Variants in DUSP22 observed in about 807,000 individuals in gnomAD.
DUSP22 encodes the protein dual specificity protein phosphatase 22.
Under a neutral mutation model 24.5 loss-of-function variants are expected in DUSP22, and 24 were observed. The ratio of observed to expected loss-of-function variants is 0.98; its 90% confidence interval spans 0.71 to 1.38. The LOEUF (loss-of-function observed/expected upper bound fraction) is 1.38. Ranked by LOEUF, DUSP22 falls within the 40% of genes most tolerant of loss-of-function variation. The pLI, the probability that DUSP22 is intolerant of heterozygous loss-of-function variation, is 0.00. For missense variants in DUSP22, 330 were observed against 269.2 expected, an observed-to-expected ratio of 1.23 and a Z score of -1.58; for synonymous variants, 160 against 106.4, an observed-to-expected ratio of 1.50 and a Z score of -3.10.
At chr6:343,745 T>C (rs1759726938) in intron 4 of DUSP22, among the ~76,000 whole-genome samples, 1 of 48,672 alleles carries the variant, frequency 2.1e-5, no homozygotes, top group African/African-American at 9.5e-5. Flanking sequence ...TCCCTGGCTG[T>C]CCTCATCTCA....
At chr6:308,679 G>T (rs555271810) in intron 2 of DUSP22, among the ~76,000 whole-genome samples, 3 of 152,426 alleles carry the variant, frequency 2.0e-5, no homozygotes, top group Admixed American at 6.5e-5. Flanking sequence ...TATTTACGGG[G>T]TGAAGAAAAT....
At position 301,243 on chromosome 6, in the gene DUSP22, C is replaced by T. The variant is rs369734111; in HGVS notation, c.22-3385C>T. 8.9e-4 allele frequency among the ~76,000 whole-genome samples: 136 copies of T among 152,224 alleles called. 1 individual carries two copies. The highest frequency in any genetic ancestry group is 2.9e-3 in the African/African-American group (122 of 41,514). ...TGGCCATTACAGGGTTTGTGGTTTT[C>T]GAGCATACCCAAGGGATAAAGGACC... On this transcript the variant is annotated intron_variant, in intron 1 of 6. Transcript: ENST00000419235.
chr6:297,733 C>G (rs1757405224), intron 1 of DUSP22, among the ~76,000 whole-genome samples: 1 of 152,304 alleles, frequency 6.6e-6, no homozygotes, highest in Admixed American at 6.5e-5. Flanking sequence ...TGATCTGGAA[C>G]TGGAGAGTTA....
At chr6:340,920 G>A (rs1384899932) in intron 4 of DUSP22, among the ~76,000 whole-genome samples, 1 of 152,304 alleles carries the variant, frequency 6.6e-6, no homozygotes, top group East Asian at 1.9e-4. Flanking sequence ...CATGTAGTGT[G>A]ATGTACAAGC....
intron 2 of DUSP22, among the ~76,000 whole-genome samples, chr6:305,569 G>T (rs966646610): frequency 6.6e-6 from 1 of 152,300 alleles, no homozygotes; most frequent in Admixed American, 6.5e-5. Context: ...GTTCCGTACT[G>T]ATTGATTTAC....
intron 2 of DUSP22, among the ~76,000 whole-genome samples, chr6:306,840 T>G (rs1198528646): frequency 6.6e-6 from 1 of 152,306 alleles, no homozygotes; most frequent in African/African-American, 2.4e-5. Flanking sequence ...GGGGCCAGTG[T>G]GTGTCCTCAC....
At chr6:342,305 C>T (rs180698136) in intron 4 of DUSP22, among the ~76,000 whole-genome samples, 1 of 152,302 alleles carries the variant, frequency 6.6e-6, no homozygotes, top group Admixed American at 6.5e-5. Context: ...AGAAAGAGAC[C>T]CACACAGAAC....
In DUSP22 at chr6:304,756, G is replaced by A. The variant is rs573709983; in HGVS notation, c.55+95G>A. 2.2e-5 allele frequency: 34 copies of A among 1,545,390 alleles called. No homozygotes were observed. In the African/African-American group the frequency reaches 3.5e-4, roughly 16 times the overall value. ...AAAGTGTATAGGTCAGTGGCTTTAA[G>A]TAATTTGCATTGCTGTGCAGCCATC... is the stretch of plus-strand genomic sequence containing the variant. On this transcript the variant is annotated intron_variant, in intron 2 of 6. Transcript: ENST00000419235.
chr6:300,098 G>A (rs969759204), intron 1 of DUSP22, among the ~76,000 whole-genome samples: 1 of 152,308 alleles, frequency 6.6e-6, no homozygotes, highest in East Asian at 1.9e-4. Context: ...CCACAGATGG[G>A]TTTAGTTTGT....
chr6:297,515 A>G (rs1438389029), intron 1 of DUSP22, among the ~76,000 whole-genome samples: 1 of 152,308 alleles, frequency 6.6e-6, no homozygotes, highest in Non-Finnish European at 1.5e-5. Context: ...TAGACATTTC[A>G]GGATAATTAC....
At chr6:327,959 A>G (rs1253692286) in intron 3 of DUSP22, among the ~76,000 whole-genome samples, 1 of 152,304 alleles carries the variant, frequency 6.6e-6, no homozygotes, top group African/African-American at 2.4e-5. Flanking sequence ...AAGCACTGTG[A>G]AAATGGGTCT....
intron 4 of DUSP22, chr6:337,200 C>G (rs534215243): frequency 6.6e-6 from 1 of 152,466 alleles, no homozygotes; most frequent in Non-Finnish European, 1.5e-5. Context: ...AAGTAGTAGG[C>G]GTAGATGTTA....
At chr6:312,595 C>T (rs577067767) in intron 3 of DUSP22, among the ~76,000 whole-genome samples, 1,256 of 151,940 alleles carry the variant, frequency 8.3e-3, no homozygotes, top group African/African-American at 0.029. Flanking sequence ...TGACAGAGCC[C>T]GAGTTACCTC....
At chr6:304,250 C>T (rs571899400) in intron 1 of DUSP22, among the ~76,000 whole-genome samples, 13 of 152,414 alleles carry the variant, frequency 8.5e-5, no homozygotes, top group African/African-American at 1.9e-4. Context: ...GGAGTGTAAC[C>T]GCCTGCAGTG....
At chr6:328,885 G>A (rs968646012) in intron 3 of DUSP22, among the ~76,000 whole-genome samples, 1 of 152,304 alleles carries the variant, frequency 6.6e-6, no homozygotes, top group Non-Finnish European at 1.5e-5. Context: ...CCAGTACTTA[G>A]TCCATAGGCA....
chr6:340,209 T>C (rs1357690079), intron 4 of DUSP22, among the ~76,000 whole-genome samples: 1 of 152,310 alleles, frequency 6.6e-6, no homozygotes, highest in Non-Finnish European at 1.5e-5. Context: ...TTTTTAATGT[T>C]GACAGTGCGT....
At chr6:309,679 A>AACACAC (rs759885887) in intron 2 of DUSP22, among the ~76,000 whole-genome samples, 1,726 of 136,714 alleles carry the variant, frequency 0.013, 1 homozygote, top group East Asian at 0.063. Context: ...ACTCATGTAG[A>AACACAC]ACACACACAC....
In DUSP22 at chr6:304,663, T is replaced by C; in HGVS notation, c.55+2T>C. Reference sequence around the variant, plus strand: ...GCCTGTACATCGGCAACTTCAAAGGTGAGTTCTTGCTTTTTTATTGTTGTG... The same window carrying C: ...GCCTGTACATCGGCAACTTCAAAGGCGAGTTCTTGCTTTTTTATTGTTGTG... On this transcript the variant is annotated splice_donor_variant, in intron 2 of 6. Coordinates refer to ENST00000419235, the MANE Select transcript of DUSP22 (RefSeq NM_001286555.3). LOFTEE classifies it high-confidence loss of function. 2 of 1,614,242 alleles carry C rather than the reference T, an allele frequency of 1.2e-6. No individual in the cohort carries two copies. Among genetic ancestry groups the C allele is most frequent in the Non-Finnish European group, 1.7e-6 (2 of 1,180,004 alleles).
At chr6:347,230 C>A (rs1759928055) in intron 5 of DUSP22, among the ~76,000 whole-genome samples, 15 of 152,294 alleles carry the variant, frequency 9.8e-5, no homozygotes, top group Admixed American at 9.8e-4. Context: ...TAGTTCTAAT[C>A]TAAAGCCCTA....
Sources: gnomAD v4.1 joint callset for allele counts (sites outside exome capture counted in the v4.1 genomes callset) on GRCh38, gnomAD v4.1.1 for gene constraint, MANE v1.5 for transcripts, NCBI Gene and HGNC (gene_info 2026-07-23, HGNC 2026-07-21) for gene names.